The following PDE10A variants were observed in gnomAD, a reference collection of about 807,000 sequenced individuals.
PDE10A encodes cAMP and cAMP-inhibited cGMP 3',5'-cyclic phosphodiesterase 10A.
PDE10A carries 39 observed loss-of-function variants against 97.7 expected under a neutral mutation model. The observed-to-expected ratio is 0.40, with a 90% CI of 0.31 to 0.52. The LOEUF (loss-of-function observed/expected upper bound fraction) is 0.52, where lower values mean the gene tolerates loss of function less well. PDE10A is among the 20% of genes least tolerant of loss of function. The pLI is 0.56. For missense variants in PDE10A, 731 were observed against 1,047.8 expected (o/e 0.70, Z 4.17); for synonymous variants, 371 against 376.8 (o/e 0.98, Z 0.18).
intron 1 of PDE10A, among the ~76,000 whole-genome samples, chr6:165,915,445 G>A (rs1252349206): frequency 5.9e-5 from 9 of 152,232 alleles, no homozygotes; most frequent in East Asian, 1.9e-4. Context: ...CAGTGTGTGC[G>A]GAGGGAGTGG....
chr6:165,482,252 A>G (rs1779647331), intron 3 of PDE10A, 63 bp downstream of exon 3: 1 of 1,092,712 alleles, frequency 9.2e-7, no homozygotes, highest in Admixed American at 1.7e-5. Flanking sequence ...GAGTACTGAG[A>G]GATAAACAAA....
At chr6:165,445,626 T>C (rs1310434361) in intron 5 of PDE10A, among the ~76,000 whole-genome samples, 1 of 152,172 alleles carries the variant, frequency 6.6e-6, no homozygotes, top group African/African-American at 2.4e-5. Flanking sequence ...ATTTTGAAAT[T>C]AGTACTGGAG....
chr6:165,975,958 C>A (rs1784833232), intron 1 of PDE10A, among the ~76,000 whole-genome samples: 1 of 152,164 alleles, frequency 6.6e-6, no homozygotes, highest in African/African-American at 2.4e-5. Flanking sequence ...TGTTGTAATT[C>A]TTTTGCATTG....
chr6:165,814,801 T>A (rs1165251886), intron 1 of PDE10A, among the ~76,000 whole-genome samples: 2 of 152,000 alleles, frequency 1.3e-5, no homozygotes, highest in South Asian at 2.1e-4. Context: ...GGCCTTTAAT[T>A]CCCTGGGTTC....
At chr6:165,425,696 C>A (rs1410888816) in intron 10 of PDE10A, among the ~76,000 whole-genome samples, 2 of 150,830 alleles carry the variant, frequency 1.3e-5, no homozygotes, top group Non-Finnish European at 3.0e-5. Flanking sequence ...GGTAATCATG[C>A]CAGAAAAAGA....
chr6:165,459,936 A>G (rs1414254054), intron 3 of PDE10A, among the ~76,000 whole-genome samples: 1 of 152,240 alleles, frequency 6.6e-6, no homozygotes, highest in Non-Finnish European at 1.5e-5. Flanking sequence ...TGAGCCTGAA[A>G]TATGTCCAAA....
intron 10 of PDE10A, among the ~76,000 whole-genome samples, chr6:165,427,408 A>T (rs1460162537): frequency 1.3e-5 from 2 of 152,154 alleles, no homozygotes; most frequent in Non-Finnish European, 2.9e-5. Flanking sequence ...TAAAATGCCC[A>T]GAATTGGTAA....
At chr6:165,434,120 A>C (rs1789824874) in intron 6 of PDE10A, among the ~76,000 whole-genome samples, 1 of 152,050 alleles carries the variant, frequency 6.6e-6, no homozygotes, top group Non-Finnish European at 1.5e-5. Flanking sequence ...GTAAGAAGCT[A>C]TCAGGATGAA....
At position 165,779,708 on chromosome 6, in the gene PDE10A, G is replaced by T. The variant is rs951884664; in HGVS notation, c.-615+207821C>A. ...TGATCTCAGGCAAACTAGCAGACAGGGTTCTGGGCCCCTGGCAGAGCTGAA... is the reference window on the plus strand; with the variant it reads ...TGATCTCAGGCAAACTAGCAGACAGTGTTCTGGGCCCCTGGCAGAGCTGAA... On this transcript the variant is annotated intron_variant, in intron 1 of 19. Transcript: ENST00000366882. 2.6e-5 allele frequency among the ~76,000 whole-genome samples: 4 copies of T among 152,224 alleles called. No individual in the cohort carries two copies. In the East Asian group the frequency reaches 7.7e-4, roughly 29 times the overall value.
upstream of PDE10A, among the ~76,000 whole-genome samples, chr6:165,666,240 A>G (rs982272139): frequency 5.9e-5 from 9 of 152,214 alleles, no homozygotes; most frequent in African/African-American, 2.2e-4. Context: ...TTACAGTTGT[A>G]AATTTCACAT....
intron 1 of PDE10A, among the ~76,000 whole-genome samples, chr6:165,679,954 G>A (rs1790930752): frequency 6.6e-6 from 1 of 151,990 alleles, no homozygotes. Flanking sequence ...TTGAGTATTT[G>A]GGGTACCTAT....
chr6:165,486,213 T>C (rs1311418560), intron 2 of PDE10A, among the ~76,000 whole-genome samples: 2 of 152,232 alleles, frequency 1.3e-5, no homozygotes, highest in Non-Finnish European at 2.9e-5. Context: ...TTCGGGGGGA[T>C]GTGCATGAGG....
intron 1 of PDE10A, among the ~76,000 whole-genome samples, chr6:165,629,010 TA>T (rs1788510490): frequency 1.3e-5 from 2 of 152,128 alleles, no homozygotes; most frequent in Admixed American, 1.3e-4. Flanking sequence ...TCATGATTTT[TA>T]TGGGTTTTTT....
chr6:165,726,741 G>A (rs1227762845), intron 1 of PDE10A, among the ~76,000 whole-genome samples: 1 of 152,204 alleles, frequency 6.6e-6, no homozygotes, highest in Admixed American at 6.5e-5. Flanking sequence ...GGCCATCTGC[G>A]GGCACCGGGA....
At chr6:165,356,237 T>A (rs1783017051) in intron 18 of PDE10A, among the ~76,000 whole-genome samples, 1 of 152,104 alleles carries the variant, frequency 6.6e-6, no homozygotes, top group Non-Finnish European at 1.5e-5. Flanking sequence ...CCAAACAATA[T>A]CACTTGCCAA....
chr6:165,625,811 C>G (rs1003586861), intron 1 of PDE10A, among the ~76,000 whole-genome samples: 1 of 152,176 alleles, frequency 6.6e-6, no homozygotes, highest in Non-Finnish European at 1.5e-5. Flanking sequence ...ACCTCTTTTT[C>G]TTTATAAATT....
chr6:165,479,333 C>T (rs1337470133), intron 3 of PDE10A, among the ~76,000 whole-genome samples: 1 of 152,112 alleles, frequency 6.6e-6, no homozygotes, highest in African/African-American at 2.4e-5. Context: ...GACCTAAATA[C>T]CCCCAATTCC....
chr6:165,395,235 T>G lies in PDE10A; in HGVS notation c.2249A>C (p.Asn750Thr). 6.2e-7 allele frequency: 1 copy of G among 1,613,244 alleles called. No individual in the cohort carries two copies. Among genetic ancestry groups the G allele is most frequent in the Non-Finnish European group, 8.5e-7 (1 of 1,179,384 alleles). The change falls in exon 15 of 22, where the codon AAC becomes ACC. Residue 750 changes from asparagine (N) to threonine (T), a missense_variant. Around this residue, in one of 8 missense-constraint regions of PDE10A, gnomAD observed 131 missense variants for 187.4 expected, o/e 0.70. Transcript: ENST00000539869. The part of the protein sequence containing the change: ...LFHFDIGPFE[N>T]MWPGIFVYMV... ...GTAGACAAAAATTCCAGGCCACATGTTTTCAAAAGGACCAATGTCAAAGTG... is the reference window on the plus strand; with the variant it reads ...GTAGACAAAAATTCCAGGCCACATGGTTTCAAAAGGACCAATGTCAAAGTG...
intron 1 of PDE10A, among the ~76,000 whole-genome samples, chr6:165,764,189 C>G (rs1212639183): frequency 6.6e-6 from 1 of 152,302 alleles, no homozygotes; most frequent in South Asian, 2.1e-4. Context: ...CCTGAGTCCA[C>G]GCTCTGACAC....
Sources: gnomAD v4.1 joint callset for allele counts (sites outside exome capture counted in the v4.1 genomes callset) on GRCh38, gnomAD v4.1.1 for gene constraint, gnomAD v4.1.1 regional missense constraint, MANE v1.5 for transcripts, NCBI Gene and HGNC (gene_info 2026-07-23, HGNC 2026-07-21) for gene names.